NECAB1: variants seen among roughly 807,000 people sequenced by gnomAD.
The protein encoded by NECAB1 is N-terminal EF-hand calcium binding protein 1, also known as N-terminal EF-hand calcium-binding protein 1.
Under a neutral mutation model 57.5 loss-of-function variants are expected in NECAB1, and 29 were observed. That is an observed-to-expected ratio of 0.50 (90% CI 0.38 to 0.69). The LOEUF (loss-of-function observed/expected upper bound fraction) is 0.69, where lower values mean the gene tolerates loss of function less well. NECAB1 is among the 30% of genes least tolerant of loss of function. NECAB1 has a pLI of 0.00. For synonymous variants in NECAB1, 142 were observed against 147.7 expected (o/e 0.96, Z 0.28); for missense variants, 372 against 413.8 (o/e 0.90, Z 0.88).
intron 5 of NECAB1, among the ~76,000 whole-genome samples, chr8:90,898,983 AG>A: frequency 6.6e-6 from 1 of 152,330 alleles, no homozygotes; most frequent in South Asian, 2.1e-4. Flanking sequence ...TGGAAGGTAA[AG>A]GGGAGAGGGA....
chr8:90,933,958 A>T (rs1662525479), intron 8 of NECAB1, among the ~76,000 whole-genome samples: 1 of 152,194 alleles, frequency 6.6e-6, no homozygotes, highest in Non-Finnish European at 1.5e-5. Context: ...GCAGACTGTT[A>T]GGCTTAGTCA....
intron 2 of NECAB1, among the ~76,000 whole-genome samples, chr8:90,809,750 A>C (rs915554331): frequency 1.3e-5 from 2 of 152,174 alleles, no homozygotes; most frequent in African/African-American, 2.4e-5. Context: ...TCTCCTGTGA[A>C]TATCTGTTGA....
chr8:90,924,876 C>T (rs1404416628), intron 6 of NECAB1, among the ~76,000 whole-genome samples: 2 of 151,808 alleles, frequency 1.3e-5, no homozygotes, highest in Non-Finnish European at 2.9e-5. Context: ...AAAGACATAG[C>T]AATTTAAGCA....
intron 2 of NECAB1, among the ~76,000 whole-genome samples, chr8:90,819,143 AT>A (rs534112051): frequency 2.6e-5 from 4 of 151,578 alleles, no homozygotes; most frequent in Admixed American, 6.6e-5. Context: ...TATTTCTAGT[AT>A]TTTTTTCATT....
intron 3 of NECAB1, among the ~76,000 whole-genome samples, chr8:90,867,649 T>C (rs1808544218): frequency 6.6e-6 from 1 of 152,272 alleles, no homozygotes; most frequent in African/African-American, 2.4e-5. Context: ...AATAGATTTA[T>C]TTGTTTATCA....
intron 2 of NECAB1, among the ~76,000 whole-genome samples, chr8:90,821,198 TA>T (rs1282278804): frequency 6.6e-6 from 1 of 151,794 alleles, no homozygotes; most frequent in Admixed American, 6.6e-5. Context: ...ACTCCACAGG[TA>T]CCCCCAATCT....
intron 7 of NECAB1, among the ~76,000 whole-genome samples, chr8:90,927,805 G>GT (rs141946433): frequency 0.11 from 16,268 of 144,622 alleles, 1,512 homozygotes; most frequent in African/African-American, 0.19. Flanking sequence ...TGCCCTTATG[G>GT]TTTTTTTTTT....
At chr8:90,821,555 C>T (rs552994550) in intron 2 of NECAB1, among the ~76,000 whole-genome samples, 1 of 151,888 alleles carries the variant, frequency 6.6e-6, no homozygotes, top group East Asian at 1.9e-4. Flanking sequence ...TTCCCTCTGC[C>T]TGGAGTACTC....
rs533479484 is a variant in NECAB1, at chr8:90,925,804, G to A, written c.616+148G>A. The A allele has an allele frequency of 2.0e-4, 223 of 1,130,134 alleles. 2 individuals carry two copies. In the South Asian group the frequency reaches 2.5e-3, roughly 13 times the overall value. The allele number at this position is 1,130,134 out of a possible 1,614,324, so 70.0% of individuals were successfully genotyped here. The stretch of plus-strand genomic sequence containing the variant: ...GTTTGAGACAGAAGCAGTGAAGAGT[G>A]TAGTATGAAGAACTGGGGTGGTGAG... On this transcript the variant is annotated intron_variant, in intron 7 of 12. Transcript: ENST00000417640.
At chr8:90,852,753 T>C (rs1812709888) in intron 3 of NECAB1, among the ~76,000 whole-genome samples, 1 of 152,144 alleles carries the variant, frequency 6.6e-6, no homozygotes, top group Non-Finnish European at 1.5e-5. Context: ...TGGGGAAAGA[T>C]TATGTGTCTG....
At chr8:90,863,118 T>TA (rs907356542) in intron 3 of NECAB1, among the ~76,000 whole-genome samples, 58 of 151,766 alleles carry the variant, frequency 3.8e-4, no homozygotes, top group African/African-American at 1.3e-3. Context: ...AGAAGAATAA[T>TA]AAAAAAAAGA....
At chr8:90,849,070 T>C (rs1269328175) in intron 3 of NECAB1, among the ~76,000 whole-genome samples, 1 of 152,132 alleles carries the variant, frequency 6.6e-6, no homozygotes, top group East Asian at 1.9e-4. Flanking sequence ...CCATGACATA[T>C]GGGGATTATG....
chr8:90,801,684 T>A lies in NECAB1; in HGVS notation c.100-7T>A. The A allele has an allele frequency of 6.6e-7, 1 of 1,522,480 alleles. No homozygotes were observed. The highest frequency in any genetic ancestry group is 8.9e-7 in the Non-Finnish European group (1 of 1,129,740). The allele number at this position is 1,522,480 out of a possible 1,614,324, so 94.3% of individuals were successfully genotyped here. On this transcript the variant is annotated splice_polypyrimidine_tract_variant and splice_region_variant and intron_variant, in intron 1 of 12. Transcript: ENST00000417640. ...GCTGATAAAATTTTTTCCTTTTTCC[T>A]TTCCAGATACTGAGGAGAGCAGACA...
intron 6 of NECAB1, among the ~76,000 whole-genome samples, chr8:90,923,196 G>A (rs958168691): frequency 6.6e-6 from 1 of 152,174 alleles, no homozygotes; most frequent in African/African-American, 2.4e-5. Flanking sequence ...GCTATATAGT[G>A]ACTGCTCCTA....
chr8:90,869,505 A>G (rs1024303478), intron 3 of NECAB1, among the ~76,000 whole-genome samples: 2 of 152,220 alleles, frequency 1.3e-5, no homozygotes, highest in Non-Finnish European at 2.9e-5. Context: ...TTGGGAGGCC[A>G]CCCCTCACAT....
At chr8:90,949,587 T>TA (rs1484846922) in intron 10 of NECAB1, among the ~76,000 whole-genome samples, 6 of 152,054 alleles carry the variant, frequency 3.9e-5, no homozygotes, top group African/African-American at 7.2e-5. Context: ...ACCAGAAAAC[T>TA]AAAAAAACAA....
chr8:90,941,527 T>G (rs1314988839), intron 10 of NECAB1, among the ~76,000 whole-genome samples: 2 of 152,226 alleles, frequency 1.3e-5, no homozygotes, highest in Non-Finnish European at 2.9e-5. Context: ...AAATAGTTAC[T>G]ATAATAATTT....
chr8:90,941,141 C>G (rs1047461631), intron 10 of NECAB1, among the ~76,000 whole-genome samples: 3 of 152,184 alleles, frequency 2.0e-5, no homozygotes, highest in Non-Finnish European at 4.4e-5. Context: ...CATTGGGGCA[C>G]CAAGTAAAAT....
At chr8:90,954,638 C>T (rs992601887) in intron 12 of NECAB1, among the ~76,000 whole-genome samples, 1 of 151,852 alleles carries the variant, frequency 6.6e-6, no homozygotes, top group Non-Finnish European at 1.5e-5. Context: ...TTCAGGATAT[C>T]TATATTCACT....
Sources: allele counts gnomAD v4.1 joint callset (sites outside exome capture counted in the v4.1 genomes callset), GRCh38; gene constraint gnomAD v4.1.1; transcripts MANE v1.5; gene names NCBI Gene and HGNC (gene_info 2026-07-23, HGNC 2026-07-21).